Variants in DLG2 observed in about 807,000 individuals in gnomAD.
The protein encoded by DLG2 is discs large MAGUK scaffold protein 2, also known as disks large homolog 2.
DLG2 carries 45 observed loss-of-function variants against 132.5 expected under a neutral mutation model. The observed-to-expected ratio is 0.34, with a 90% CI of 0.27 to 0.44. DLG2 has a LOEUF of 0.44. DLG2 is among the 20% of genes least tolerant of loss of function. DLG2 has a pLI of 1.00. For synonymous variants in DLG2, 424 were observed against 419.6 expected (o/e 1.01, Z -0.13); for missense variants, 1,045 against 1,196.9 (o/e 0.87, Z 1.87).
At chr11:84,058,042 C>A (rs2096531927) in intron 11 of DLG2, among the ~76,000 whole-genome samples, 2 of 152,080 alleles carry the variant, frequency 1.3e-5, no homozygotes, top group Non-Finnish European at 2.9e-5. Flanking sequence ...GGAGCAGGCC[C>A]AACTAAGATG....
intron 6 of DLG2, among the ~76,000 whole-genome samples, chr11:84,648,898 T>C (rs936185830): frequency 4.6e-5 from 7 of 152,116 alleles, no homozygotes; most frequent in African/African-American, 1.7e-4. Flanking sequence ...AATTTTTTTC[T>C]TTATAAATCA....
At chr11:84,664,230 T>C (rs1454370405) in intron 6 of DLG2, among the ~76,000 whole-genome samples, 1 of 152,184 alleles carries the variant, frequency 6.6e-6, no homozygotes, top group Non-Finnish European at 1.5e-5. Flanking sequence ...TGTGTACATA[T>C]CGTTCCCTTT....
At chr11:83,833,834 C>T in intron 16 of DLG2, 64 bp from the exon 17 acceptor site, 1 of 1,535,846 alleles carries the variant, frequency 6.5e-7, no homozygotes, top group Non-Finnish European at 8.8e-7. Context: ...GTTGCTTTTA[C>T]TTTCAATGGG....
rs190581372 is a variant in DLG2 at position 83,908,454 on chromosome 11, G to A, written c.1496+21874C>T. ...TTTTTTTCTCTCTCTCTCTCCATAC[G>A]CACATGAGCATATATGCATGCACAC... On this transcript the variant is annotated intron_variant, in intron 15 of 27. Transcript: ENST00000376104. Among the ~76,000 whole-genome samples the A allele has an allele frequency of 4.0e-5, 6 of 151,348 alleles. No individual in the cohort carries two copies. In the East Asian group the frequency reaches 7.8e-4, roughly 20 times the overall value.
At chr11:84,821,403 C>T (rs1566055181) in intron 6 of DLG2, among the ~76,000 whole-genome samples, 1 of 151,590 alleles carries the variant, frequency 6.6e-6, no homozygotes, top group Non-Finnish European at 1.5e-5. Flanking sequence ...TAGAAGAAGC[C>T]ATATATAAAT....
At chr11:85,605,831 T>G (rs571611719) in intron 2 of DLG2, among the ~76,000 whole-genome samples, 22 of 152,174 alleles carry the variant, frequency 1.4e-4, no homozygotes, top group African/African-American at 4.6e-4. Context: ...ATGCAAAAAT[T>G]AGCTGGACAT....
chr11:84,488,841 CTAAA>C (rs2099157507), intron 7 of DLG2, among the ~76,000 whole-genome samples: 1 of 152,078 alleles, frequency 6.6e-6, no homozygotes. Context: ...GACTGTACAC[CTAAA>C]TAAATGTTAA....
intron 3 of DLG2, among the ~76,000 whole-genome samples, chr11:85,342,252 T>G (rs1240433442): frequency 6.6e-6 from 1 of 152,228 alleles, no homozygotes; most frequent in Non-Finnish European, 1.5e-5. Flanking sequence ...CATTGTACAG[T>G]GGAACACCAT....
chr11:84,399,860 C>A (rs891596607), intron 7 of DLG2, among the ~76,000 whole-genome samples: 1 of 152,220 alleles, frequency 6.6e-6, no homozygotes, highest in Non-Finnish European at 1.5e-5. Flanking sequence ...AAACCCAAAA[C>A]CTTTGTTCAG....
intron 3 of DLG2, among the ~76,000 whole-genome samples, chr11:85,514,372 A>G (rs2094135033): frequency 6.6e-6 from 1 of 152,064 alleles, no homozygotes; most frequent in African/African-American, 2.4e-5. Context: ...CCAACTGGCA[A>G]TATCTGTGAA....
chr11:85,474,330 A>C (rs1052293264), intron 3 of DLG2, among the ~76,000 whole-genome samples: 1 of 152,016 alleles, frequency 6.6e-6, no homozygotes, highest in Non-Finnish European at 1.5e-5. Context: ...GAAAATTTGA[A>C]TTGAATCTGT....
chr11:83,689,246 T>C (rs1399794304), intron 18 of DLG2, among the ~76,000 whole-genome samples: 1 of 152,062 alleles, frequency 6.6e-6, no homozygotes, highest in African/African-American at 2.4e-5. Context: ...GTAGGAGATA[T>C]TGAGATATCC....
At position 83,944,955 on chromosome 11, in the gene DLG2, G is replaced by C. The variant is rs574049823; in HGVS notation, c.1341-14472C>G. On this transcript the variant is annotated intron_variant, in intron 14 of 27. Coordinates refer to ENST00000376104, the MANE Select transcript of DLG2 (RefSeq NM_001142699.3). ...ATCTATGTGATTTGCCTAAAATCTGGAATTGGGTTTTTTAGATGGTGAAGT... is the reference window on the plus strand; with the variant it reads ...ATCTATGTGATTTGCCTAAAATCTGCAATTGGGTTTTTTAGATGGTGAAGT... Among the ~76,000 whole-genome samples, 10 of 152,252 alleles carry C rather than the reference G, an allele frequency of 6.6e-5. No homozygotes were observed. In the South Asian group the frequency reaches 2.1e-3, roughly 32 times the overall value.
At chr11:85,538,144 A>T (rs1317903894) in intron 3 of DLG2, among the ~76,000 whole-genome samples, 2 of 151,764 alleles carry the variant, frequency 1.3e-5, no homozygotes, top group Admixed American at 6.6e-5. Context: ...AAAAAATAAA[A>T]AAAGAACTGT....
chr11:85,458,065 G>A (rs2092477911), intron 3 of DLG2, among the ~76,000 whole-genome samples: 1 of 152,082 alleles, frequency 6.6e-6, no homozygotes. Context: ...CTCTTTCAGG[G>A]ACAACAGTGA....
chr11:85,359,547 G>A (rs912970962), intron 3 of DLG2, among the ~76,000 whole-genome samples: 3 of 152,308 alleles, frequency 2.0e-5, no homozygotes, highest in African/African-American at 7.2e-5. Context: ...CACTGTGGGA[G>A]AAATAAAGAT....
intron 7 of DLG2, among the ~76,000 whole-genome samples, chr11:84,319,885 A>G (rs1367210785): frequency 6.6e-6 from 1 of 152,220 alleles, no homozygotes; most frequent in African/African-American, 2.4e-5. Flanking sequence ...CATGTAAAGT[A>G]ATTCCATACT....
intron 3 of DLG2, among the ~76,000 whole-genome samples, chr11:85,298,630 A>T (rs1319418760): frequency 6.6e-6 from 1 of 152,168 alleles, no homozygotes; most frequent in Non-Finnish European, 1.5e-5. Flanking sequence ...TATAAAGCAC[A>T]TCTAACTGGG....
chr11:84,202,012 T>C (rs962088253), intron 8 of DLG2, among the ~76,000 whole-genome samples: 1 of 151,830 alleles, frequency 6.6e-6, no homozygotes, highest in Admixed American at 6.6e-5. Context: ...AGAGACTAGG[T>C]TTCACTATGT....
Sources: gnomAD v4.1 joint callset for allele counts (sites outside exome capture counted in the v4.1 genomes callset) on GRCh38, gnomAD v4.1.1 for gene constraint, MANE v1.5 for transcripts, NCBI Gene and HGNC (gene_info 2026-07-23, HGNC 2026-07-21) for gene names.